The following NAV1 variants were observed in gnomAD, a reference collection of about 807,000 sequenced individuals.
NAV1 encodes neuron navigator 1.
In NAV1, 18 loss-of-function variants were observed where a neutral mutation model predicts 175.2. That is an observed-to-expected ratio of 0.10 (90% CI 0.07 to 0.15). NAV1 has a LOEUF of 0.15. Ranked by LOEUF, NAV1 falls within the 10% of genes least tolerant of loss-of-function variation. The pLI is 1.00. For missense variants in NAV1, 1,731 were observed against 2,436.6 expected, an observed-to-expected ratio of 0.71 and a Z score of 6.10; for synonymous variants, 897 against 978.7, an observed-to-expected ratio of 0.92 and a Z score of 1.56.
chr1:201,781,428 A>G, intron 5 of NAV1, 119 bp downstream of exon 9: 1 of 1,029,654 alleles, frequency 9.7e-7, no homozygotes, highest in Non-Finnish European at 1.4e-6. Context: ...TTTAACAGAC[A>G]TTATCTTATC....
Position 201,782,971 on chromosome 1 carries a change from G to T in NAV1, c.2357+102G>T, listed in dbSNP as rs369975398. The T allele has an allele frequency of 3.0e-6, 3 of 1,005,856 alleles. No individual in the cohort carries two copies. The highest frequency in any genetic ancestry group is 2.9e-6 in the Non-Finnish European group (2 of 689,802). The allele number at this position is 1,005,856 out of a possible 1,614,324, so 62.3% of individuals were successfully genotyped here. On this transcript the variant is annotated intron_variant, in intron 6 of 29. Transcript: ENST00000367296. This position sits in a 1 kb window ranked among gnomAD's most constrained non-coding sequence, Gnocchi z 5.4. ...GATGAGGCATGGCCTATCCACCGTT[G>T]TCTCTAGGCCTTTGCATGGCTCTTT...
At chr1:201,638,859 T>C (rs1321039122) in intron 2 of NAV1, among the ~76,000 whole-genome samples, 2 of 152,222 alleles carry the variant, frequency 1.3e-5, no homozygotes, top group Non-Finnish European at 1.5e-5. Context: ...CCCCTGTCTT[T>C]CAGTTCAGCA....
intron 3 of NAV1, among the ~76,000 whole-genome samples, chr1:201,735,029 G>A (rs1396121394): frequency 1.3e-5 from 2 of 152,138 alleles, no homozygotes; most frequent in Admixed American, 6.5e-5. Context: ...CTGGGAGCAG[G>A]ACCCCTTCCT....
chr1:201,635,489 G>A (rs946259153), intron 2 of NAV1, among the ~76,000 whole-genome samples: 15 of 152,152 alleles, frequency 9.9e-5, no homozygotes, highest in Admixed American at 6.6e-4. Flanking sequence ...TGTACAACCT[G>A]TGCAGCTGTA....
intron 3 of NAV1, among the ~76,000 whole-genome samples, chr1:201,731,722 T>C (rs940873038): frequency 1.3e-5 from 2 of 151,988 alleles, no homozygotes; most frequent in Non-Finnish European, 2.9e-5. Flanking sequence ...CAAAGGGCAG[T>C]TCAGGAATGA....
chr1:201,569,723 G>A (rs1450289660), intron 1 of NAV1, among the ~76,000 whole-genome samples: 1 of 152,210 alleles, frequency 6.6e-6, no homozygotes, highest in East Asian at 1.9e-4. Context: ...AGGAGCTCAG[G>A]AGGAAGCAGT....
rs202003359 is a variant in NAV1 at position 201,744,320 on chromosome 1, T to G, written c.1226+25565T>G. Among the ~76,000 whole-genome samples the G allele has an allele frequency of 8.8e-3, 1,160 of 132,268 alleles. 16 individuals are homozygous for G. Among genetic ancestry groups the G allele is most frequent in the African/African-American group, 0.028 (975 of 34,794 alleles). 86.8% of individuals were successfully genotyped at this position (132,268 alleles called of 152,430 possible). A position where few individuals can be genotyped will look rare whatever the true frequency, so the allele number is the denominator to read the frequency against. Reference sequence around the variant, plus strand: ...GACGGCTATGTATGTATGTATGTATTTATTTATTTATTTATTTATTTATTT... The same window carrying G: ...GACGGCTATGTATGTATGTATGTATGTATTTATTTATTTATTTATTTATTT... On this transcript the variant is annotated intron_variant, in intron 3 of 29. Transcript: ENST00000367296.
At chr1:201,592,459 A>G (rs1667227852) in intron 2 of NAV1, among the ~76,000 whole-genome samples, 2 of 152,156 alleles carry the variant, frequency 1.3e-5, no homozygotes, top group African/African-American at 4.8e-5. Flanking sequence ...TGATTTCTCT[A>G]GAGTCACACA....
At chr1:201,579,181 T>G (rs2102189444) in intron 1 of NAV1, among the ~76,000 whole-genome samples, 1 of 152,280 alleles carries the variant, frequency 6.6e-6, no homozygotes, top group South Asian at 2.1e-4. Context: ...TTTCCTGGCC[T>G]TTGGCTGGAG....
Position 201,788,375 on chromosome 1 carries a change from C to A in NAV1, c.2996-93C>A. 1 of 1,373,808 alleles carries A rather than the reference C, an allele frequency of 7.3e-7. No individual in the cohort carries two copies. Among genetic ancestry groups the A allele is most frequent in the Non-Finnish European group, 1.0e-6 (1 of 974,628 alleles). The allele number at this position is 1,373,808 out of a possible 1,614,324, so 85.1% of individuals were successfully genotyped here. ...CCATTTGCCTCTCATGCTCCCGGTG[C>A]TCCATCCCCCAAGGGCCCGGAGAGC... On this transcript the variant is annotated intron_variant, in intron 9 of 29. Transcript: ENST00000367296. The surrounding 1 kb of genome is among the most constrained non-coding windows in gnomAD (Gnocchi z 5.7).
intron 1 of NAV1, among the ~76,000 whole-genome samples, chr1:201,709,747 C>G (rs548298672): frequency 2.0e-5 from 3 of 152,174 alleles, no homozygotes; most frequent in African/African-American, 4.8e-5. Flanking sequence ...ATCCTGGTCA[C>G]CCCCAAGGAA....
intron 3 of NAV1, among the ~76,000 whole-genome samples, chr1:201,753,169 G>A (rs1463438521): frequency 3.3e-5 from 5 of 152,154 alleles, no homozygotes; most frequent in Admixed American, 6.5e-5. Flanking sequence ...TATCTTAGAA[G>A]TGGCTTTTCA....
At chr1:201,640,517 A>C (rs1448745421) in intron 2 of NAV1, among the ~76,000 whole-genome samples, 2 of 152,200 alleles carry the variant, frequency 1.3e-5, no homozygotes, top group Non-Finnish European at 2.9e-5. Flanking sequence ...GTCTCCCAGA[A>C]GTGTGGTGAA....
chr1:201,798,338 G>C (rs985188101), intron 15 of NAV1: 2 of 152,102 alleles, frequency 1.3e-5, no homozygotes, highest in Non-Finnish European at 2.9e-5. Context: ...AATTATATCA[G>C]TTAAGATCAG....
At chr1:201,545,947 A>T (rs1181400963) in intron 1 of NAV1, among the ~76,000 whole-genome samples, 1 of 152,234 alleles carries the variant, frequency 6.6e-6, no homozygotes, top group African/African-American at 2.4e-5. Context: ...GGATTTCAAG[A>T]GTCAGTTACC....
exon 1 of NAV1, chr1:201,648,301 AAAGC>A: frequency 9.0e-7 from 1 of 1,116,026 alleles, no homozygotes; most frequent in South Asian, 4.4e-5. Context: ...CACCAAAGCA[AAAGC>A]ACCGCTGGGC....
intron 1 of NAV1, among the ~76,000 whole-genome samples, chr1:201,705,959 A>G (rs1441327763): frequency 6.6e-6 from 1 of 152,172 alleles, no homozygotes; most frequent in African/African-American, 2.4e-5. Flanking sequence ...CTCCTAGTCC[A>G]GCTCTGAGCA....
intron 2 of NAV1, among the ~76,000 whole-genome samples, chr1:201,642,561 C>CTTTCTTTCTTT (rs1223515987): frequency 1.2e-3 from 110 of 92,414 alleles, no homozygotes; most frequent in African/African-American, 2.5e-3. Context: ...TTCTTTTTTC[C>CTTTCTTTCTTT]CTTTCTTCCC....
chr1:201,809,304 C>T, intron 21 of NAV1, 43 bp downstream of exon 25: 1 of 1,603,436 alleles, frequency 6.2e-7, no homozygotes, highest in Non-Finnish European at 8.5e-7. Flanking sequence ...TGAACAAATA[C>T]TGTTACATTT....
Sources: allele counts gnomAD v4.1 joint callset (sites outside exome capture counted in the v4.1 genomes callset), GRCh38; gene constraint gnomAD v4.1.1; non-coding constraint Gnocchi (gnomAD v3.1); transcripts MANE v1.5; gene names NCBI Gene and HGNC (gene_info 2026-07-23, HGNC 2026-07-21).